Variants in NDST1 observed in about 807,000 individuals in gnomAD.
NDST1 encodes the protein bifunctional heparan sulfate N-deacetylase/N-sulfotransferase 1.
A neutral mutation model predicts 92.8 loss-of-function variants in NDST1; 35 were observed. That is an observed-to-expected ratio of 0.38 (90% confidence interval 0.29 to 0.50). The LOEUF is 0.50. Ranked by LOEUF, NDST1 falls within the 20% of genes least tolerant of loss-of-function variation. The probability of loss-of-function intolerance (pLI) is 0.94; values close to 1 mark genes in which losing one functional copy is unlikely to be tolerated. For synonymous variants in NDST1, 493 were observed against 500.3 expected (o/e 0.99, Z 0.19); for missense variants, 822 against 1,182.7 (o/e 0.69, Z 4.47).
intron 11 of NDST1, among the ~76,000 whole-genome samples, chr5:150,546,640 G>C (rs1755498091): frequency 6.6e-6 from 1 of 152,204 alleles, no homozygotes; most frequent in African/African-American, 2.4e-5. Flanking sequence ...TTCAGGCCTG[G>C]CCACTGTCAT....
intron 13 of NDST1, chr5:150,550,796 C>T (rs1010012498): frequency 6.6e-6 from 1 of 152,308 alleles, no homozygotes; most frequent in African/African-American, 2.4e-5. Flanking sequence ...TAGGGCCCCA[C>T]ATCCATCTCT....
chr5:150,513,895 CA>C (rs1753840192), intron 1 of NDST1, among the ~76,000 whole-genome samples: 1 of 152,232 alleles, frequency 6.6e-6, no homozygotes, highest in Non-Finnish European at 1.5e-5. Context: ...GAGCAGTGGC[CA>C]CGGTTACCGT....
Position 150,533,048 on chromosome 5 carries a change from C to T in NDST1, c.1096+16C>T, listed in dbSNP as rs779496544. 3 of 1,610,576 alleles carry T rather than the reference C, an allele frequency of 1.9e-6. No homozygotes were observed. In the South Asian group the frequency reaches 3.3e-5, roughly 18 times the overall value. ...TTCCACACAGGTAAGTGGGCCTGCC[C>T]CTGCCCTCACTAGCAACTTCCAGGA... On this transcript the variant is annotated intron_variant, in intron 4 of 14. Coordinates refer to ENST00000261797, the MANE Select transcript of NDST1 (RefSeq NM_001543.5).
At chr5:150,537,690 T>A (rs1325461631) in intron 6 of NDST1, among the ~76,000 whole-genome samples, 1 of 152,234 alleles carries the variant, frequency 6.6e-6, no homozygotes, top group Non-Finnish European at 1.5e-5. Context: ...TGTGATATTT[T>A]ATTACATTGG....
At chr5:150,540,541 C>T (rs867397045) in intron 8 of NDST1, among the ~76,000 whole-genome samples, 5 of 152,130 alleles carry the variant, frequency 3.3e-5, no homozygotes, top group African/African-American at 4.8e-5. Context: ...GTGGGCTGGA[C>T]GCAGTGGTTC....
intron 7 of NDST1, 190 bp downstream of exon 7, chr5:150,539,546 CT>C (rs368486461): frequency 9.1e-5 from 131 of 1,437,592 alleles, no homozygotes; most frequent in Middle Eastern, 4.4e-4. Flanking sequence ...TCCGAGCATG[CT>C]TTTTTTTTCC....
Position 150,528,007 on chromosome 5 carries a change from G to T in NDST1, c.717G>T (p.Leu239=). ...QSNHSTYEPV[L]LAKTRSSESI... Reference sequence around the variant, plus strand: ...ATCACTCCACCTATGAGCCAGTGCTGCTGGCCAAGACGCGCTCGTCTGAGT... The same window carrying T: ...ATCACTCCACCTATGAGCCAGTGCTTCTGGCCAAGACGCGCTCGTCTGAGT... Residue 239 remains leucine, a synonymous_variant, in exon 3 of 15, where the codon CTG becomes CTT. Transcript: ENST00000261797. The T allele has an allele frequency of 6.2e-7, 1 of 1,613,760 alleles. No individual in the cohort carries two copies.
chr5:150,544,010 C>A (rs1247042577), intron 10 of NDST1, among the ~76,000 whole-genome samples: 1 of 152,190 alleles, frequency 6.6e-6, no homozygotes, highest in Non-Finnish European at 1.5e-5. Context: ...GAACTCCTGA[C>A]CTCGTGATCT....
Position 150,521,920 on chromosome 5 carries a change from A to G in NDST1, c.513+153A>G, listed in dbSNP as rs1324318502. On this transcript the variant is annotated intron_variant, in intron 2 of 14. Coordinates refer to ENST00000261797, the MANE Select transcript of NDST1 (RefSeq NM_001543.5). The surrounding 1 kb of genome is among the most constrained non-coding windows in gnomAD (Gnocchi z 5.9). The stretch of plus-strand genomic sequence containing the variant: ...TGAGTATATGTAAAGCACTGGGAGC[A>G]TGCGGTGCCCACTGCCTGGCAAGTG... Among the ~76,000 whole-genome samples, 2 of 152,200 alleles carry G rather than the reference A, an allele frequency of 1.3e-5. No homozygotes were observed. The highest frequency in any genetic ancestry group is 6.5e-5 in the Admixed American group (1 of 15,286).
chr5:150,504,834 T>C (rs80025760), upstream of NDST1, among the ~76,000 whole-genome samples: 5,075 of 152,292 alleles, frequency 0.033, 409 homozygotes, highest in Admixed American at 0.17. Flanking sequence ...CTCTCAGAAA[T>C]GGTCATCATT....
upstream of NDST1, among the ~76,000 whole-genome samples, chr5:150,506,150 G>A (rs1418356247): frequency 2.0e-5 from 3 of 152,172 alleles, no homozygotes; most frequent in Admixed American, 6.5e-5. Context: ...TAGCTGTGTC[G>A]CACAGGTTGG....
chr5:150,541,656 C>G lies in NDST1; in HGVS notation c.1836C>G (p.Pro612=). ...DRFPKLLIIG[P]QKTGTTALYL... ...TCCCAAAGCTCCTCATCATCGGCCC[C>G]CAGAAAACAGGCAGGTCTCTCTGCT... Residue 612 remains proline, a synonymous_variant, in exon 9 of 15, where the codon CCC becomes CCG. Transcript: ENST00000261797. 1.2e-6 allele frequency: 2 copies of G among 1,614,126 alleles called. No individual in the cohort carries two copies. The highest frequency in any genetic ancestry group is 8.5e-7 in the Non-Finnish European group (1 of 1,179,998).
intron 6 of NDST1, among the ~76,000 whole-genome samples, chr5:150,537,211 A>T (rs2151290697): frequency 6.6e-6 from 1 of 152,372 alleles, no homozygotes; most frequent in East Asian, 1.9e-4. Context: ...CAAATTGTTT[A>T]AACAATATGA....
rs866606930 is a variant in NDST1 at position 150,550,174 on chromosome 5, C to T, written c.2426+387C>T. On this transcript the variant is annotated intron_variant, in intron 13 of 14. Coordinates refer to ENST00000261797, the MANE Select transcript of NDST1 (RefSeq NM_001543.5). Reference sequence around the variant, plus strand: ...GGAGTGCAGTGGTGTGATTTTGGCTCACTGCAACCTCAACCTCCCAGGCTC... The same window carrying T: ...GGAGTGCAGTGGTGTGATTTTGGCTTACTGCAACCTCAACCTCCCAGGCTC... 1.9e-4 allele frequency among the ~76,000 whole-genome samples: 28 copies of T among 150,660 alleles called. No individual in the cohort carries two copies. The Middle Eastern group carries it at 0.014, about 74-fold the overall frequency.
At chr5:150,539,564 A>G in intron 7 of NDST1, 1 of 1,422,364 alleles carries the variant, frequency 7.0e-7, no homozygotes, top group Non-Finnish European at 9.2e-7. Flanking sequence ...TTCCTTTCCT[A>G]ATCATGTACT....
intron 14 of NDST1, chr5:150,552,449 C>T (rs2151306830): frequency 6.2e-6 from 1 of 162,400 alleles, no homozygotes; most frequent in East Asian, 1.8e-4. Flanking sequence ...GGTCTTGTTA[C>T]TTCCTCCTTT....
chr5:150,534,763 C>T (rs997015204), intron 4 of NDST1, 104 bp from the exon 5 acceptor site: 19 of 1,427,738 alleles, frequency 1.3e-5, no homozygotes, highest in African/African-American at 2.8e-5. Context: ...TTCCAGGCAG[C>T]TCCTGGGTGG....
chr5:150,535,000 C>T lies in NDST1; in HGVS notation c.1230C>T (p.Ala410=). ...HNQSVLAEQM[A]LNKKFAVEHG... ...AGTCCGTGTTGGCCGAGCAGATGGC[C>T]TTGAACAAGAAGTTCGCTGTCGTGA... is the stretch of plus-strand genomic sequence containing the variant. Residue 410 remains alanine, a synonymous_variant, in exon 5 of 15, where the codon GCC becomes GCT. Transcript: ENST00000261797. The T allele has an allele frequency of 6.2e-7, 1 of 1,614,214 alleles. No homozygotes were observed. Among genetic ancestry groups the T allele is most frequent in the African/African-American group, 1.3e-5 (1 of 75,076 alleles).
At chr5:150,529,390 CAAAAAAA>C (rs11418788) in intron 3 of NDST1, among the ~76,000 whole-genome samples, 6 of 65,172 alleles carry the variant, frequency 9.2e-5, no homozygotes, top group East Asian at 4.9e-4. Flanking sequence ...GACCCTGTCT[CAAAAAAA>C]AAAAAAAAAA....
Sources: allele counts gnomAD v4.1 joint callset (sites outside exome capture counted in the v4.1 genomes callset), GRCh38; gene constraint gnomAD v4.1.1; non-coding constraint Gnocchi (gnomAD v3.1); transcripts MANE v1.5; gene names NCBI Gene and HGNC (gene_info 2026-07-23, HGNC 2026-07-21).